The following GRB2 variants were observed in gnomAD, a reference collection of about 807,000 sequenced individuals.
GRB2 encodes the protein growth factor receptor bound protein 2, also known as growth factor receptor-bound protein 2.
In GRB2, 2 loss-of-function variants were observed where a neutral mutation model predicts 27.4. That is an observed-to-expected ratio of 0.07 (90% CI 0.03 to 0.23). The LOEUF (loss-of-function observed/expected upper bound fraction) is 0.23, where lower values mean the gene tolerates loss of function less well. Ranked by LOEUF, GRB2 falls within the 10% of genes least tolerant of loss-of-function variation. The pLI is 1.00. For missense variants in GRB2, 102 were observed against 282.4 expected, an observed-to-expected ratio of 0.36 and a Z score of 4.58; for synonymous variants, 94 against 99.6, an observed-to-expected ratio of 0.94 and a Z score of 0.33.
At chr17:75,350,767 C>T (rs934208329) in intron 2 of GRB2, among the ~76,000 whole-genome samples, 2 of 152,220 alleles carry the variant, frequency 1.3e-5, no homozygotes, top group South Asian at 4.1e-4. Context: ...GCTGGGATTA[C>T]AGGCGTGAAG....
intron 2 of GRB2, among the ~76,000 whole-genome samples, chr17:75,370,045 A>T (rs1598242812): frequency 1.3e-5 from 2 of 152,250 alleles, no homozygotes; most frequent in Admixed American, 1.3e-4. Flanking sequence ...CAATGAATGA[A>T]TGCTTAAAAG....
intron 4 of GRB2, among the ~76,000 whole-genome samples, chr17:75,324,536 G>A (rs143083570): frequency 5.4e-5 from 1 of 18,396 alleles, no homozygotes; most frequent in Non-Finnish European, 1.1e-4. Flanking sequence ...TTTTTTTTTT[G>A]GAGACAGAGT....
intron 2 of GRB2, among the ~76,000 whole-genome samples, chr17:75,367,290 C>A (rs113149816): frequency 0.023 from 3,436 of 152,188 alleles, 130 homozygotes; most frequent in African/African-American, 0.076. Flanking sequence ...CCCACCTCAG[C>A]CTCTGGAGTA....
chr17:75,359,869 C>T (rs754016377), intron 2 of GRB2, among the ~76,000 whole-genome samples: 1 of 151,850 alleles, frequency 6.6e-6, no homozygotes, highest in African/African-American at 2.4e-5. Flanking sequence ...GTAGTAGCCT[C>T]GGCTATTAAT....
rs538556546 is a variant in GRB2, at chr17:75,338,945, G to A, written c.79-6148C>T. 1.4e-3 allele frequency: 1,568 copies of A among 1,130,564 alleles called. 22 individuals carry two copies. The South Asian group carries it at 0.018, about 13-fold the overall frequency. The allele number at this position is 1,130,564 out of a possible 1,614,324, so 70.0% of individuals were successfully genotyped here. On this transcript the variant is annotated intron_variant, in intron 2 of 5. Transcript: ENST00000316804. ...TCTCTGTATGCCCAGGGAAAGCGGC[G>A]TTATGACAGGAAGCAGAGTGGCTAT...
In GRB2 at chr17:75,321,763, C is replaced by T. The variant is rs1181904019; in HGVS notation, c.364G>A (p.Val122Met). The change falls in exon 5 of 6, where the codon GTG becomes ATG. Residue 122 changes from valine to methionine, a missense_variant. Physicochemically the swap from Val to Met is conservative, Grantham distance 21. Transcript: ENST00000316804. Reference sequence around the variant, plus strand: ...TCATTCAAAGAATTGAACTTCACCACCCAGAGGAAGTACTTCCCGGCTCCA... The same window carrying T: ...TCATTCAAAGAATTGAACTTCACCATCCAGAGGAAGTACTTCCCGGCTCCA... ...RDGAGKYFLW[V>M]VKFNSLNELV... is the part of the protein sequence containing the mutation. 6.2e-7 allele frequency: 1 copy of T among 1,613,924 alleles called. No homozygotes were observed.
At chr17:75,392,738 G>A (rs543729950) in intron 2 of GRB2, among the ~76,000 whole-genome samples, 7 of 152,278 alleles carry the variant, frequency 4.6e-5, no homozygotes, top group Non-Finnish European at 8.8e-5. Context: ...ACTCATCCTC[G>A]TTAAAATAAA....
chr17:75,348,784 T>TC (rs1456391976), intron 2 of GRB2, among the ~76,000 whole-genome samples: 3 of 152,174 alleles, frequency 2.0e-5, no homozygotes, highest in Non-Finnish European at 4.4e-5. Context: ...CAAGTGAACT[T>TC]CCCACCTCAG....
intron 4 of GRB2, among the ~76,000 whole-genome samples, chr17:75,322,505 TGAG>T (rs2078467495): frequency 6.6e-6 from 1 of 151,724 alleles, no homozygotes; most frequent in South Asian, 2.1e-4. Flanking sequence ...AGGAAGAAGG[TGAG>T]GAGGGCTGGA....
intron 1 of GRB2, among the ~76,000 whole-genome samples, chr17:75,401,949 G>A (rs898285396): frequency 5.3e-5 from 8 of 152,196 alleles, no homozygotes; most frequent in Admixed American, 3.9e-4. Flanking sequence ...CATGTTCTAA[G>A]AGTAAATGTG....
intron 2 of GRB2, among the ~76,000 whole-genome samples, chr17:75,390,838 T>C (rs377454561): frequency 6.6e-6 from 1 of 152,292 alleles, no homozygotes; most frequent in South Asian, 2.1e-4. Flanking sequence ...ATGAAACTTA[T>C]TCAATATCCA....
intron 2 of GRB2, among the ~76,000 whole-genome samples, chr17:75,355,006 CCATGT>C (rs1163151624): frequency 1.3e-5 from 2 of 152,134 alleles, no homozygotes; most frequent in African/African-American, 4.8e-5. Flanking sequence ...CGGGGTTTCA[CCATGT>C]AGGCCAGGTT....
chr17:75,390,352 C>T (rs756410123), intron 2 of GRB2, among the ~76,000 whole-genome samples: 2 of 152,122 alleles, frequency 1.3e-5, no homozygotes, highest in Non-Finnish European at 2.9e-5. Flanking sequence ...GTTGCAACTC[C>T]TAGGTAAGTT....
chr17:75,342,967 T>C (rs1427194411), intron 2 of GRB2, among the ~76,000 whole-genome samples: 1 of 144,130 alleles, frequency 6.9e-6, no homozygotes, highest in East Asian at 2.1e-4. Flanking sequence ...GAGGATTGCT[T>C]GAGCCTGGGA....
At chr17:75,374,032 C>T (rs1437803214) in intron 2 of GRB2, among the ~76,000 whole-genome samples, 2 of 151,486 alleles carry the variant, frequency 1.3e-5, no homozygotes, top group Non-Finnish European at 2.9e-5. Context: ...CCTGACCTCA[C>T]GATCCGCCCA....
intron 2 of GRB2, among the ~76,000 whole-genome samples, chr17:75,349,157 T>C (rs374405836): frequency 2.6e-5 from 4 of 152,230 alleles, no homozygotes; most frequent in South Asian, 2.1e-4. Context: ...TGTATTTTCA[T>C]TGAGTTTAAA....
At chr17:75,388,661 C>A (rs562135666) in intron 2 of GRB2, among the ~76,000 whole-genome samples, 1 of 151,320 alleles carries the variant, frequency 6.6e-6, no homozygotes, top group African/African-American at 2.4e-5. Context: ...GGTTGGGCTC[C>A]AACTCCTGGG....
intron 2 of GRB2, among the ~76,000 whole-genome samples, chr17:75,333,796 A>G (rs1312959460): frequency 6.6e-6 from 1 of 152,260 alleles, no homozygotes; most frequent in Non-Finnish European, 1.5e-5. Flanking sequence ...CATATCAACC[A>G]GCAGAATTCA....
chr17:75,361,402 T>C (rs1349587683), intron 2 of GRB2, among the ~76,000 whole-genome samples: 2 of 152,176 alleles, frequency 1.3e-5, no homozygotes, highest in South Asian at 2.1e-4. Context: ...GATGGTCTCC[T>C]ATGCTGTGGG....
Sources: allele counts gnomAD v4.1 joint callset (sites outside exome capture counted in the v4.1 genomes callset), GRCh38; gene constraint gnomAD v4.1.1; transcripts MANE v1.5; gene names NCBI Gene and HGNC (gene_info 2026-07-23, HGNC 2026-07-21).